Variants in MEIOC observed in about 807,000 individuals in gnomAD.
MEIOC encodes meiosis-specific coiled-coil domain-containing protein MEIOC.
In MEIOC, 9 loss-of-function variants were observed where a neutral mutation model predicts 85.3. The observed-to-expected ratio is 0.11, with a 90% CI of 0.06 to 0.18. The LOEUF is 0.18. Among genes scored for constraint, MEIOC ranks in the 10% least tolerant of loss-of-function variants. The pLI is 1.00. For missense variants in MEIOC, 898 were observed against 1,129.4 expected (o/e 0.80, Z 2.94); for synonymous variants, 365 against 393.7 (o/e 0.93, Z 0.86).
intron 6 of MEIOC, among the ~76,000 whole-genome samples, chr17:44,671,839 G>C (rs545811304): frequency 1.1e-4 from 16 of 151,422 alleles, no homozygotes; most frequent in African/African-American, 3.6e-4. Flanking sequence ...CTGGCAGACG[G>C]AGCTTGCAGT....
At chr17:44,657,796 G>A (rs892605870) in intron 2 of MEIOC, among the ~76,000 whole-genome samples, 1 of 151,598 alleles carries the variant, frequency 6.6e-6, no homozygotes, top group Non-Finnish European at 1.5e-5. Flanking sequence ...CGGGTGATCC[G>A]CGCACCTCGG....
At chr17:44,661,159 G>A (rs1382883984) in intron 2 of MEIOC, among the ~76,000 whole-genome samples, 1 of 151,420 alleles carries the variant, frequency 6.6e-6, no homozygotes. Flanking sequence ...ATGGTGGCAG[G>A]TGCCTGTAAT....
chr17:44,665,076 A>G (rs1310473273), intron 3 of MEIOC: 4 of 969,728 alleles, frequency 4.1e-6, no homozygotes, highest in Non-Finnish European at 4.9e-6. Flanking sequence ...GTGACATCAT[A>G]GATGACAGAT....
At position 44,657,159 on chromosome 17, in the gene MEIOC, C is replaced by T. The variant is rs748279295; in HGVS notation, c.102C>T (p.Arg34=). Residue 34 remains arginine (R), a synonymous_variant, in exon 2 of 8, where the codon CGC becomes CGT. Transcript: ENST00000409122. ...TCGCGTTCCCCGGAGGTGCGAATCGCTGTTGGAACCTCGGCGCCGACGCCG... is the reference window on the plus strand; with the variant it reads ...TCGCGTTCCCCGGAGGTGCGAATCGTTGTTGGAACCTCGGCGCCGACGCCG... The part of the protein sequence containing the change: ...PKVAFPGGAN[R]CWNLGADAGS... 4.5e-6 allele frequency: 7 copies of T among 1,551,368 alleles called. No individual in the cohort carries two copies. The highest frequency in any genetic ancestry group is 6.1e-6 in the Non-Finnish European group (7 of 1,146,986).
At chr17:44,671,461 G>T (rs973990961) in intron 6 of MEIOC, among the ~76,000 whole-genome samples, 1 of 150,664 alleles carries the variant, frequency 6.6e-6, no homozygotes, top group African/African-American at 2.4e-5. Flanking sequence ...TAGGTGGGAG[G>T]ATCACTTGAG....
chr17:44,670,485 G>C (rs1440105411), intron 6 of MEIOC: 1 of 145,926 alleles, frequency 6.9e-6, no homozygotes, highest in Non-Finnish European at 1.5e-5. Flanking sequence ...CCAGCTTGAT[G>C]AGCAAGCTGT....
chr17:44,669,994 G>A (rs1449339919), intron 6 of MEIOC: 1 of 153,788 alleles, frequency 6.5e-6, no homozygotes, highest in African/African-American at 2.4e-5. Flanking sequence ...AAAGGGGCTG[G>A]GTGCAGTGGC....
intron 3 of MEIOC, among the ~76,000 whole-genome samples, chr17:44,663,929 C>T (rs1001479500): frequency 1.3e-5 from 2 of 151,958 alleles, no homozygotes; most frequent in Admixed American, 6.6e-5. Context: ...CAGATAATAA[C>T]GAATGATTAC....
At chr17:44,657,334 GTGTT>G in intron 2 of MEIOC, 73 bp downstream of exon 2, 1 of 1,349,994 alleles carries the variant, frequency 7.4e-7, no homozygotes, top group Non-Finnish European at 1.0e-6. Context: ...CGATTCATAG[GTGTT>G]TAATGGCTCC....
Position 44,662,351 on chromosome 17 carries a change from C to T in MEIOC, c.239C>T (p.Thr80Ile), listed in dbSNP as rs750816376. The change falls in exon 3 of 8, where the codon ACT (threonine) becomes ATT (isoleucine). Residue 80 changes from threonine to isoleucine, a missense_variant. Physicochemically the swap from Thr to Ile is moderately conservative, Grantham distance 89. This residue lies in a region of MEIOC where 734 missense variants were observed against 860.1 expected (regional missense o/e 0.85). Coordinates refer to ENST00000409122, the MANE Select transcript of MEIOC (RefSeq NM_001145080.3). Reference protein sequence around the residue: ...EDNVDLRQTYTPFSSTEYSSS... With the variant: ...EDNVDLRQTYIPFSSTEYSSS... ...AATGTAGACCTAAGGCAGACCTATA[C>T]TCCATTTTCTTCAACAGAATATTCA... 8 of 1,550,248 alleles carry T rather than the reference C, an allele frequency of 5.2e-6. No individual in the cohort carries two copies. In the South Asian group the frequency reaches 9.5e-5, roughly 18 times the overall value.
chr17:44,673,432 G>A lies in MEIOC; in HGVS notation c.2524G>A (p.Ala842Thr), dbSNP rs1972037024. ...TCTTCTTCATGCCAGTATCTCTACT[G>A]CTCTTGATAGACACTTGGAGTCTAT... ...SSLLHASIST[A>T]LDRHLESIHI... The change falls in exon 7 of 8, where the codon GCT becomes ACT. Residue 842 changes from alanine to threonine, a missense_variant. Ala to Thr is a moderately conservative substitution (Grantham distance 58). Transcript: ENST00000409122. 3.2e-6 allele frequency: 5 copies of A among 1,551,374 alleles called. No individual in the cohort carries two copies. The highest frequency in any genetic ancestry group is 1.7e-4 in the Middle Eastern group (1 of 5,988).
At chr17:44,673,796 G>T in intron 7 of MEIOC, 180 bp from the exon 8 acceptor site, 2 of 790,298 alleles carry the variant, frequency 2.5e-6, no homozygotes, top group Non-Finnish European at 1.9e-6. Context: ...CAGAAATAAA[G>T]TATCAATACT....
intron 4 of MEIOC, 139 bp from the exon 5 acceptor site, chr17:44,666,237 A>T: frequency 3.0e-6 from 2 of 671,806 alleles, no homozygotes; most frequent in Non-Finnish European, 4.9e-6. Flanking sequence ...ATGGTAGCTT[A>T]TAAAGCAGAG....
Position 44,669,418 on chromosome 17 carries a change from A to G in MEIOC, c.2358A>G (p.Lys786=). 1 of 1,573,098 alleles carries G rather than the reference A, an allele frequency of 6.4e-7. No individual in the cohort carries two copies. Among genetic ancestry groups the G allele is most frequent in the Non-Finnish European group, 8.6e-7 (1 of 1,158,000 alleles). ...CCCTTGCCAAGAATTATCCTGGAAAAAAAGTATCCAGTACTAACAACACTC... is the reference window on the plus strand; with the variant it reads ...CCCTTGCCAAGAATTATCCTGGAAAGAAAGTATCCAGTACTAACAACACTC... ...ELALAKNYPG[K]KVSSTNNTPV... Residue 786 remains lysine (K), a synonymous_variant, in exon 6 of 8, where the codon AAA becomes AAG. Transcript: ENST00000409122.
chr17:44,657,328 T>A, intron 2 of MEIOC, 67 bp downstream of exon 2: 1 of 1,459,062 alleles, frequency 6.9e-7, no homozygotes, highest in South Asian at 1.2e-5. Flanking sequence ...AGCCACCGAT[T>A]CATAGGTGTT....
rs995461978 is a variant in MEIOC at position 44,665,474 on chromosome 17, A to G, written c.450A>G (p.Pro150=). 1.3e-6 allele frequency: 2 copies of G among 1,541,936 alleles called. No homozygotes were observed. The highest frequency in any genetic ancestry group is 1.2e-5 in the South Asian group (1 of 81,980). ...NILEEQDKSQ[P]YFAEGTCSSN... is the part of the protein sequence containing the mutation. ...TGGAAGAACAAGATAAGTCACAGCC[A>G]TATTTTGCTGAAGGGTTAGTATATA... is the stretch of plus-strand genomic sequence containing the variant. Residue 150 remains proline, a synonymous_variant, in exon 4 of 8, where the codon CCA becomes CCG. Transcript: ENST00000409122.
Position 44,667,862 on chromosome 17 carries a change from G to C in MEIOC, c.1951G>C (p.Gly651Arg), listed in dbSNP as rs373156959. Residue 651 changes from glycine (G) to arginine (R), a missense_variant, in exon 5 of 8, where the codon GGT becomes CGT. Gly to Arg is a moderately radical substitution (Grantham distance 125). Coordinates refer to ENST00000409122, the MANE Select transcript of MEIOC (RefSeq NM_001145080.3). ...TCATTCTAATAGCCACAGAACGAGA[G>C]GTGGAGACAATAGCCGTGTGAATCG... ...QGHSNSHRTR[G>R]GDNSRVNRTQ... is the part of the protein sequence containing the mutation. 6.2e-7 allele frequency: 1 copy of C among 1,613,828 alleles called. No homozygotes were observed. The highest frequency in any genetic ancestry group is 1.3e-5 in the African/African-American group (1 of 74,924).
chr17:44,657,083 C>A, intron 1 of MEIOC, 44 bp from the exon 2 acceptor site: 2 of 1,526,770 alleles, frequency 1.3e-6, no homozygotes, highest in Non-Finnish European at 1.8e-6. Context: ...CCGGCGTCAC[C>A]CTCGTGACCA....
At position 44,674,405 on chromosome 17, in the gene MEIOC, C is replaced by T. The variant is rs1972048653; in HGVS notation, c.*209C>T. On this transcript the variant is annotated 3_prime_UTR_variant, in exon 8 of 8. Transcript: ENST00000409122. ...TAAGTAAACGCAAAGGTACAGTTGA[C>T]TACTCAGAGTTCTGAGTAGTCAGAT... 1 of 1,338,724 alleles carries T rather than the reference C, an allele frequency of 7.5e-7. No homozygotes were observed. The highest frequency in any genetic ancestry group is 9.6e-7 in the Non-Finnish European group (1 of 1,043,374). The allele number at this position is 1,338,724 out of a possible 1,614,324, so 82.9% of individuals were successfully genotyped here.
Sources: gnomAD v4.1 joint callset for allele counts (sites outside exome capture counted in the v4.1 genomes callset) on GRCh38, gnomAD v4.1.1 for gene constraint, gnomAD v4.1.1 regional missense constraint, MANE v1.5 for transcripts, NCBI Gene and HGNC (gene_info 2026-07-23, HGNC 2026-07-21) for gene names.